Variants in DPP6 observed in about 807,000 individuals in gnomAD.
DPP6 encodes dipeptidyl peptidase like 6.
A neutral mutation model predicts 122.6 loss-of-function variants in DPP6; 69 were observed. The observed-to-expected ratio is 0.56, with a 90% CI of 0.46 to 0.69. DPP6 has a LOEUF of 0.69. Among genes scored for constraint, DPP6 ranks in the 30% least tolerant of loss-of-function variants. DPP6 has a pLI of 0.00. For missense variants in DPP6, 928 were observed against 1,116.9 expected, an observed-to-expected ratio of 0.83 and a Z score of 2.41; for synonymous variants, 418 against 433.1, an observed-to-expected ratio of 0.97 and a Z score of 0.43.
chr7:153,966,595 A>G lies in DPP6; in HGVS notation c.51+78861A>G, dbSNP rs1269428606. On this transcript the variant is annotated intron_variant, in intron 1 of 25. Transcript: ENST00000404039. The stretch of plus-strand genomic sequence containing the variant: ...TTTTTTTTTTTTTTTTTTACTGCAT[A>G]TAGCCCTTTTTTTTTAAAAAATTAT... Among the ~76,000 whole-genome samples the G allele has an allele frequency of 9.1e-4, 4 of 4,378 alleles. 2 individuals are homozygous for G. The highest frequency in any genetic ancestry group is 7.7e-4 in the Non-Finnish European group (2 of 2,612). 2.9% of individuals were successfully genotyped at this position (4,378 alleles called of 152,430 possible).
chr7:154,008,887 G>A (rs1387131330), intron 1 of DPP6, among the ~76,000 whole-genome samples: 2 of 150,072 alleles, frequency 1.3e-5, no homozygotes, highest in South Asian at 2.1e-4. Flanking sequence ...GGATGGTCTC[G>A]ATCTCCTGAC....
chr7:154,860,199 T>G (rs758490410), intron 17 of DPP6, among the ~76,000 whole-genome samples: 2 of 152,106 alleles, frequency 1.3e-5, no homozygotes, highest in Non-Finnish European at 2.9e-5. Context: ...CTGCCCCACC[T>G]TCTCCCTGAG....
intron 1 of DPP6, among the ~76,000 whole-genome samples, chr7:154,436,622 G>A (rs570058424): frequency 6.6e-6 from 1 of 152,282 alleles, no homozygotes; most frequent in South Asian, 2.1e-4. Flanking sequence ...ATATTATAAT[G>A]CAAAAACTAT....
At chr7:154,625,596 T>TG (rs2130873526) in intron 5 of DPP6, among the ~76,000 whole-genome samples, 1 of 152,336 alleles carries the variant, frequency 6.6e-6, no homozygotes, top group African/African-American at 2.4e-5. Context: ...ACCATCTCTT[T>TG]GTCTGTTTTT....
chr7:153,964,269 T>G (rs906335954), intron 1 of DPP6, among the ~76,000 whole-genome samples: 5 of 152,172 alleles, frequency 3.3e-5, no homozygotes, highest in Non-Finnish European at 5.9e-5. Context: ...GTGCTGAGAT[T>G]ACAGGCGTGA....
rs35662023 is a variant in DPP6 at position 154,608,320 on chromosome 7, C to CAT, written c.628-29480_628-29479dup. ...CATGCTTGCATTTTTTAGGAGTGAT[C>CAT]ATATATATATATATATATATATTTT... On this transcript the variant is annotated intron_variant, in intron 5 of 25. Transcript: ENST00000377770. 1.6e-3 allele frequency among the ~76,000 whole-genome samples: 148 copies of CAT among 90,008 alleles called. 4 individuals carry two copies. Among genetic ancestry groups the CAT allele is most frequent in the African/African-American group, 4.4e-3 (126 of 28,550 alleles). 59.0% of individuals were successfully genotyped at this position (90,008 alleles called of 152,430 possible). A position where few individuals can be genotyped will look rare whatever the true frequency, so the allele number is the denominator to read the frequency against.
chr7:154,567,303 A>T (rs1435915576), intron 5 of DPP6, among the ~76,000 whole-genome samples: 1 of 152,178 alleles, frequency 6.6e-6, no homozygotes, highest in Non-Finnish European at 1.5e-5. Flanking sequence ...ATAATATGTT[A>T]ATTATCTCCT....
chr7:153,774,428 G>C, the DPP6 span, among the ~76,000 whole-genome samples: 1 of 152,160 alleles, frequency 6.6e-6, no homozygotes, highest in Admixed American at 6.5e-5. Context: ...CTTTGTGTCA[G>C]TTGTTTACAT....
chr7:154,539,787 T>TA (rs56012436), intron 3 of DPP6, among the ~76,000 whole-genome samples: 6 of 151,652 alleles, frequency 4.0e-5, no homozygotes, highest in Non-Finnish European at 7.4e-5. Flanking sequence ...TTTTTTAAAT[T>TA]AAAAAAAATT....
At chr7:153,956,902 C>A (rs78702893) in intron 1 of DPP6, among the ~76,000 whole-genome samples, 3,417 of 152,196 alleles carry the variant, frequency 0.022, 124 homozygotes, top group African/African-American at 0.078. Context: ...CTAACCAGCT[C>A]CTTACAAACT....
chr7:153,896,844 A>G (rs1799435264), intron 1 of DPP6, among the ~76,000 whole-genome samples: 1 of 152,210 alleles, frequency 6.6e-6, no homozygotes, highest in African/African-American at 2.4e-5. Context: ...AAATATACTT[A>G]TTTATAACAG....
rs766971954 is a variant in DPP6 at position 153,903,749 on chromosome 7, G to T, written c.51+16015G>T. 2.6e-5 allele frequency among the ~76,000 whole-genome samples: 4 copies of T among 152,154 alleles called. No individual in the cohort carries two copies. In the East Asian group the frequency reaches 5.8e-4, roughly 22 times the overall value. ...TTATTTTCTCTTCTGTGCTGGAAGT[G>T]CTGGAAAGCACCTCATCTTTTGTCT... On this transcript the variant is annotated intron_variant, in intron 1 of 25. Transcript: ENST00000404039.
chr7:154,267,019 A>G (rs4726395), intron 1 of DPP6, among the ~76,000 whole-genome samples: 139,853 of 152,156 alleles, frequency 0.92, 64,405 homozygotes, highest in East Asian at 1. Context: ...TTTTTGTGAG[A>G]CTAGATTTCT....
intron 5 of DPP6, among the ~76,000 whole-genome samples, chr7:154,611,728 A>G (rs1833921060): frequency 6.6e-6 from 1 of 152,216 alleles, no homozygotes. Flanking sequence ...ATAATACACA[A>G]AGATCCCATG....
intron 1 of DPP6, among the ~76,000 whole-genome samples, chr7:154,040,403 G>A (rs1799701389): frequency 6.6e-6 from 1 of 150,632 alleles, no homozygotes; most frequent in Admixed American, 6.6e-5. Flanking sequence ...TGCAAGATAA[G>A]GCAGCACGCT....
intron 1 of DPP6, among the ~76,000 whole-genome samples, chr7:154,239,818 CAA>C (rs146860382): frequency 1.6e-4 from 15 of 91,796 alleles, no homozygotes; most frequent in Non-Finnish European, 1.8e-4. Flanking sequence ...ACTAAAACTA[CAA>C]AAAAAAAAAA....
intron 6 of DPP6, among the ~76,000 whole-genome samples, chr7:154,653,479 A>G (rs1489461066): frequency 6.6e-6 from 1 of 152,252 alleles, no homozygotes; most frequent in African/African-American, 2.4e-5. Flanking sequence ...AGCTAGATAG[A>G]TCAATCCATG....
At chr7:154,394,159 C>A (rs981916297) in intron 1 of DPP6, among the ~76,000 whole-genome samples, 3 of 152,100 alleles carry the variant, frequency 2.0e-5, no homozygotes, top group African/African-American at 7.2e-5. Flanking sequence ...TTTGAGGAAC[C>A]ATCATACTGT....
intron 1 of DPP6, among the ~76,000 whole-genome samples, chr7:154,441,535 T>C (rs1045240657): frequency 6.6e-6 from 1 of 152,166 alleles, no homozygotes; most frequent in Admixed American, 6.5e-5. Context: ...TTGAATCTTC[T>C]CCTCTTCATA....
Sources: allele counts gnomAD v4.1 joint callset (sites outside exome capture counted in the v4.1 genomes callset), GRCh38; gene constraint gnomAD v4.1.1; transcripts MANE v1.5; gene names NCBI Gene and HGNC (gene_info 2026-07-23, HGNC 2026-07-21).